PPP2R3A: variants seen among roughly 807,000 people sequenced by gnomAD.
PPP2R3A encodes serine/threonine-protein phosphatase 2A regulatory subunit B'' subunit alpha.
In PPP2R3A, 80 loss-of-function variants were observed where a neutral mutation model predicts 106.9. That is an observed-to-expected ratio of 0.75 (90% CI 0.62 to 0.90). PPP2R3A has a LOEUF of 0.90. PPP2R3A is among the 40% of genes least tolerant of loss of function. The probability of loss-of-function intolerance (pLI) is 0.00; values close to 1 mark genes in which losing one functional copy is unlikely to be tolerated. For synonymous variants in PPP2R3A, 483 were observed against 468.3 expected, an observed-to-expected ratio of 1.03 and a Z score of -0.41; for missense variants, 1,386 against 1,350.4, an observed-to-expected ratio of 1.03 and a Z score of -0.41.
chr3:136,126,864 G>C (rs544204703), intron 13 of PPP2R3A, among the ~76,000 whole-genome samples: 25 of 152,096 alleles, frequency 1.6e-4, no homozygotes, highest in Non-Finnish European at 3.2e-4. Context: ...GTGATACCCC[G>C]GCAAACAGAG....
chr3:135,990,302 C>T (rs1010381601), intron 1 of PPP2R3A, among the ~76,000 whole-genome samples: 5 of 152,058 alleles, frequency 3.3e-5, no homozygotes, highest in Non-Finnish European at 7.4e-5. Context: ...CTTCTCTGCT[C>T]ACTTGTATCA....
At chr3:136,120,445 G>A (rs922062873) in intron 13 of PPP2R3A, among the ~76,000 whole-genome samples, 1 of 151,968 alleles carries the variant, frequency 6.6e-6, no homozygotes. Flanking sequence ...AAAATTAGCC[G>A]GGCAGGGTGG....
intron 1 of PPP2R3A, among the ~76,000 whole-genome samples, chr3:135,990,894 A>G (rs1933132160): frequency 6.6e-6 from 1 of 151,872 alleles, no homozygotes; most frequent in Non-Finnish European, 1.5e-5. Context: ...CACAATTTGT[A>G]ACCTCTCGGG....
At chr3:136,132,403 TG>T (rs1938462116) in intron 13 of PPP2R3A, among the ~76,000 whole-genome samples, 1 of 152,094 alleles carries the variant, frequency 6.6e-6, no homozygotes, top group African/African-American at 2.4e-5. Context: ...TGCTATTAAG[TG>T]AATTAGCACA....
At chr3:136,088,005 T>C in intron 9 of PPP2R3A, 74 bp downstream of exon 9, 1 of 1,351,100 alleles carries the variant, frequency 7.4e-7, no homozygotes, top group Non-Finnish European at 1.0e-6. Context: ...TTAGCAAAGC[T>C]TCCTGAATAA....
intron 1 of PPP2R3A, among the ~76,000 whole-genome samples, chr3:135,966,252 C>G (rs935469242): frequency 6.6e-6 from 1 of 152,196 alleles, no homozygotes; most frequent in Admixed American, 6.5e-5. Context: ...GAAACAAATG[C>G]CAGCGTTTTG....
At chr3:136,120,455 G>A (rs1174605902) in intron 13 of PPP2R3A, among the ~76,000 whole-genome samples, 2 of 152,076 alleles carry the variant, frequency 1.3e-5, no homozygotes, top group African/African-American at 2.4e-5. Context: ...GGGCAGGGTG[G>A]TGTGCGCCTG....
chr3:136,137,296 A>T (rs1326164520), intron 13 of PPP2R3A, among the ~76,000 whole-genome samples: 1 of 151,952 alleles, frequency 6.6e-6, no homozygotes, highest in Non-Finnish European at 1.5e-5. Flanking sequence ...GATTAAAATC[A>T]CTCTTGGTTC....
intron 1 of PPP2R3A, among the ~76,000 whole-genome samples, chr3:136,000,212 A>G (rs1933567707): frequency 6.6e-6 from 1 of 152,152 alleles, no homozygotes. Flanking sequence ...ATGCCACCAT[A>G]TGATAAGTTT....
intron 10 of PPP2R3A, among the ~76,000 whole-genome samples, chr3:136,099,072 T>G (rs1028732853): frequency 2.2e-4 from 34 of 152,316 alleles, no homozygotes; most frequent in Non-Finnish European, 4.9e-4. Flanking sequence ...CTCACTCAGC[T>G]AACAGAATGC....
At chr3:136,034,039 C>CTT (rs71157353) in intron 3 of PPP2R3A, among the ~76,000 whole-genome samples, 16 of 131,394 alleles carry the variant, frequency 1.2e-4, no homozygotes, top group Middle Eastern at 3.9e-3. Flanking sequence ...TTTTCTTTTT[C>CTT]TTTTTTTTTT....
chr3:136,047,161 G>T (rs1208921568), intron 4 of PPP2R3A, among the ~76,000 whole-genome samples: 1 of 152,176 alleles, frequency 6.6e-6, no homozygotes, highest in Non-Finnish European at 1.5e-5. Context: ...CTTGGAAAAC[G>T]TATGAGGATA....
chr3:136,009,983 T>G (rs1933989320), intron 2 of PPP2R3A, among the ~76,000 whole-genome samples: 1 of 152,188 alleles, frequency 6.6e-6, no homozygotes, highest in Admixed American at 6.5e-5. Flanking sequence ...CAGTGGGTCT[T>G]TAGTACTGTG....
intron 3 of PPP2R3A, among the ~76,000 whole-genome samples, chr3:136,036,809 A>T (rs1267187503): frequency 6.6e-6 from 1 of 152,170 alleles, no homozygotes; most frequent in Non-Finnish European, 1.5e-5. Flanking sequence ...CAGTCCTCAG[A>T]GACTTTTTAT....
intron 3 of PPP2R3A, among the ~76,000 whole-genome samples, chr3:136,031,227 G>T (rs1005130244): frequency 6.6e-6 from 1 of 151,908 alleles, no homozygotes; most frequent in Non-Finnish European, 1.5e-5. Flanking sequence ...AGGTGGTATC[G>T]CATTGTGGTT....
At chr3:136,124,047 G>C (rs1262581551) in intron 13 of PPP2R3A, among the ~76,000 whole-genome samples, 1 of 151,946 alleles carries the variant, frequency 6.6e-6, no homozygotes, top group African/African-American at 2.4e-5. Flanking sequence ...TATGTTGTTT[G>C]ATTAAAAATT....
intron 10 of PPP2R3A, among the ~76,000 whole-genome samples, chr3:136,096,028 T>C (rs891705864): frequency 6.6e-6 from 1 of 152,200 alleles, no homozygotes; most frequent in African/African-American, 2.4e-5. Flanking sequence ...TAGCCTACAT[T>C]TGGGCAAAAT....
intron 2 of PPP2R3A, chr3:136,023,292 C>A: frequency 2.7e-6 from 3 of 1,121,366 alleles, no homozygotes; most frequent in Admixed American, 2.5e-5. Context: ...AACTAACTCA[C>A]AAGTAATTTT....
At chr3:136,127,697 A>G (rs1235127248) in intron 13 of PPP2R3A, among the ~76,000 whole-genome samples, 3 of 152,178 alleles carry the variant, frequency 2.0e-5, no homozygotes, top group Admixed American at 1.3e-4. Context: ...GAGCAAGCCC[A>G]AGACACATAA....
Sources: allele counts gnomAD v4.1 joint callset (sites outside exome capture counted in the v4.1 genomes callset), GRCh38; gene constraint gnomAD v4.1.1; transcripts MANE v1.5; gene names NCBI Gene and HGNC (gene_info 2026-07-23, HGNC 2026-07-21).